LHFPL6: variants seen among roughly 807,000 people sequenced by gnomAD.
LHFPL6 encodes the protein LHFPL tetraspan subfamily member 6, also known as LHFPL tetraspan subfamily member 6 protein.
LHFPL6 carries 9 observed loss-of-function variants against 20.6 expected under a neutral mutation model. The ratio of observed to expected loss-of-function variants is 0.44; its 90% confidence interval spans 0.26 to 0.76. The LOEUF (loss-of-function observed/expected upper bound fraction) is 0.76, where lower values mean the gene tolerates loss of function less well. LHFPL6 is among the 30% of genes least tolerant of loss of function. The pLI, the probability that LHFPL6 is intolerant of heterozygous loss-of-function variation, is 0.20. For missense variants in LHFPL6, 218 were observed against 253.5 expected (o/e 0.86, Z 0.95); for synonymous variants, 105 against 98.7 (o/e 1.06, Z -0.38).
chr13:39,589,413 T>C (rs1020263469), intron 2 of LHFPL6, among the ~76,000 whole-genome samples: 2 of 152,058 alleles, frequency 1.3e-5, no homozygotes, highest in Non-Finnish European at 2.9e-5. Context: ...CCAGCCCAGA[T>C]AAAGAAAATT....
chr13:39,455,431 C>G (rs1377050402), intron 2 of LHFPL6, among the ~76,000 whole-genome samples: 1 of 152,154 alleles, frequency 6.6e-6, no homozygotes, highest in East Asian at 1.9e-4. Context: ...GGTTTTATTT[C>G]CACATACCAT....
intron 2 of LHFPL6, among the ~76,000 whole-genome samples, chr13:39,461,302 G>A (rs933144523): frequency 1.3e-5 from 2 of 152,166 alleles, no homozygotes; most frequent in African/African-American, 4.8e-5. Flanking sequence ...GAACACACGT[G>A]TGCATGTGTC....
chr13:39,432,064 TG>T (rs960313498), intron 2 of LHFPL6, among the ~76,000 whole-genome samples: 8 of 152,242 alleles, frequency 5.3e-5, no homozygotes, highest in African/African-American at 1.9e-4. Flanking sequence ...GAACCCAGCT[TG>T]GGTCCCTTTT....
At chr13:39,504,851 T>C (rs192036302) in intron 2 of LHFPL6, among the ~76,000 whole-genome samples, 16 of 152,340 alleles carry the variant, frequency 1.1e-4, no homozygotes, top group African/African-American at 3.8e-4. Flanking sequence ...CCTGCTGTCA[T>C]ATATGCTGCC....
At chr13:39,451,271 A>T (rs1872438689) in intron 2 of LHFPL6, among the ~76,000 whole-genome samples, 1 of 152,228 alleles carries the variant, frequency 6.6e-6, no homozygotes, top group African/African-American at 2.4e-5. Context: ...GTTAAAAACA[A>T]GAAAACCTGA....
intron 2 of LHFPL6, among the ~76,000 whole-genome samples, chr13:39,463,503 A>G (rs531063858): frequency 6.6e-6 from 1 of 152,348 alleles, no homozygotes; most frequent in African/African-American, 2.4e-5. Flanking sequence ...AATCTATTCA[A>G]ACTTTCCTAT....
intron 2 of LHFPL6, among the ~76,000 whole-genome samples, chr13:39,404,117 C>A (rs1871057603): frequency 6.6e-6 from 1 of 152,184 alleles, no homozygotes; most frequent in South Asian, 2.1e-4. Flanking sequence ...TTGCTAATGG[C>A]TGCTTATTAA....
intron 2 of LHFPL6, among the ~76,000 whole-genome samples, chr13:39,563,084 T>A: frequency 9.5e-6 from 1 of 105,820 alleles, no homozygotes; most frequent in Admixed American, 1.0e-4. Context: ...CATGGGGCAA[T>A]ACTAGAAACA....
intron 2 of LHFPL6, among the ~76,000 whole-genome samples, chr13:39,459,141 C>T (rs1872634432): frequency 6.6e-6 from 1 of 150,948 alleles, no homozygotes; most frequent in Non-Finnish European, 1.5e-5. Context: ...ATTATAAAGA[C>T]CTGCCTGTGT....
chr13:39,552,666 A>G (rs1030494612), intron 2 of LHFPL6, among the ~76,000 whole-genome samples: 3 of 152,248 alleles, frequency 2.0e-5, no homozygotes, highest in Non-Finnish European at 2.9e-5. Context: ...AATAAGAATG[A>G]TAGAGAAGAA....
At chr13:39,497,265 T>C (rs1299759393) in intron 2 of LHFPL6, among the ~76,000 whole-genome samples, 3 of 152,170 alleles carry the variant, frequency 2.0e-5, no homozygotes, top group Non-Finnish European at 4.4e-5. Flanking sequence ...CCACAAGCAC[T>C]GTACTTACCG....
chr13:39,451,266 AAAC>A, intron 2 of LHFPL6, among the ~76,000 whole-genome samples: 1 of 152,236 alleles, frequency 6.6e-6, no homozygotes, highest in African/African-American at 2.4e-5. Flanking sequence ...TTTCTGTTAA[AAAC>A]AAGAAAACCT....
intron 2 of LHFPL6, among the ~76,000 whole-genome samples, chr13:39,455,923 T>C (rs980561472): frequency 4.6e-5 from 7 of 152,246 alleles, no homozygotes; most frequent in South Asian, 4.1e-4. Context: ...CGGAAACACA[T>C]ACATTTACTT....
chr13:39,589,776 C>A (rs964169798), intron 2 of LHFPL6, among the ~76,000 whole-genome samples: 1 of 152,132 alleles, frequency 6.6e-6, no homozygotes, highest in East Asian at 1.9e-4. Context: ...AGCCAGCACA[C>A]GATCGTCTGT....
At chr13:39,594,019 G>A (rs1265502681) in intron 2 of LHFPL6, among the ~76,000 whole-genome samples, 22 of 148,988 alleles carry the variant, frequency 1.5e-4, no homozygotes, top group Non-Finnish European at 3.0e-4. Flanking sequence ...AACCCTAGAA[G>A]AAAACTTAGG....
intron 3 of LHFPL6, among the ~76,000 whole-genome samples, chr13:39,366,412 A>G (rs1411045714): frequency 6.6e-6 from 1 of 152,198 alleles, no homozygotes; most frequent in Non-Finnish European, 1.5e-5. Flanking sequence ...AGTGTTAGTC[A>G]AGATATGAAT....
At chr13:39,525,241 C>G (rs1195768117) in intron 2 of LHFPL6, among the ~76,000 whole-genome samples, 2 of 152,074 alleles carry the variant, frequency 1.3e-5, no homozygotes, top group East Asian at 3.9e-4. Context: ...ATTTTCATTA[C>G]AGACTCTAAT....
chr13:39,412,973 C>T (rs1871268122), intron 2 of LHFPL6, among the ~76,000 whole-genome samples: 1 of 151,970 alleles, frequency 6.6e-6, no homozygotes, highest in Admixed American at 6.6e-5. Context: ...AACCTGAACC[C>T]ATGTCTAGCA....
chr13:39,512,589 G>C (rs1441194771), intron 2 of LHFPL6, among the ~76,000 whole-genome samples: 1 of 113,906 alleles, frequency 8.8e-6, no homozygotes, highest in African/African-American at 4.3e-5. Context: ...GCAACAGAGC[G>C]AGCCTCCGTC....
Sources: allele counts gnomAD v4.1 joint callset (sites outside exome capture counted in the v4.1 genomes callset), GRCh38; gene constraint gnomAD v4.1.1; transcripts MANE v1.5; gene names NCBI Gene and HGNC (gene_info 2026-07-23, HGNC 2026-07-21).